Variants in PRKX observed in about 807,000 individuals in gnomAD.
PRKX encodes cAMP-dependent protein kinase catalytic subunit PRKX.
PRKX carries 12 observed loss-of-function variants against 22.0 expected under a neutral mutation model. The observed-to-expected ratio is 0.54, with a 90% CI of 0.35 to 0.88. The LOEUF (loss-of-function observed/expected upper bound fraction) is 0.88, where lower values mean the gene tolerates loss of function less well. Ranked by LOEUF, PRKX falls within the 40% of genes least tolerant of loss-of-function variation. The pLI is 0.01. For missense variants in PRKX, 217 were observed against 308.0 expected (o/e 0.70, Z 2.21); for synonymous variants, 134 against 137.7 (o/e 0.97, Z 0.19).
intron 8 of PRKX, chrX:3,611,321 C>T (rs1221852570): frequency 8.9e-6 from 1 of 111,744 alleles, no homozygotes; most frequent in Non-Finnish European, 1.9e-5. Context: ...TTCCACTTCA[C>T]ATAACTGGGA....
chrX:3,666,385 T>C (rs1927730611), intron 2 of PRKX, among the ~76,000 whole-genome samples: 1 of 110,591 alleles, frequency 9.0e-6, no homozygotes, highest in Admixed American at 9.7e-5. Flanking sequence ...CTTGATCTCC[T>C]GACCTCGTGA....
chrX:3,679,187 G>C (rs1390584990), intron 1 of PRKX, among the ~76,000 whole-genome samples: 4 of 111,685 alleles, frequency 3.6e-5, no homozygotes, highest in Non-Finnish European at 7.5e-5. Context: ...TTTCTAATAG[G>C]AAGTTTTTCA....
chrX:3,692,857 G>A (rs1460975312), intron 1 of PRKX, among the ~76,000 whole-genome samples: 1 of 111,662 alleles, frequency 9.0e-6, no homozygotes, highest in Non-Finnish European at 1.9e-5. Flanking sequence ...TGCATTTAAT[G>A]TTAGATGGCT....
At chrX:3,628,640 G>T (rs756974511) in intron 4 of PRKX, among the ~76,000 whole-genome samples, 1 of 111,701 alleles carries the variant, frequency 9.0e-6, no homozygotes, top group Non-Finnish European at 1.9e-5. Context: ...GGAGGCTGAG[G>T]GGGGAGGATC....
At chrX:3,685,439 C>A (rs141750592) in intron 1 of PRKX, among the ~76,000 whole-genome samples, 1 of 111,307 alleles carries the variant, frequency 9.0e-6, no homozygotes, top group Admixed American at 9.7e-5. Flanking sequence ...TGACAAGCCC[C>A]CTAACCTCTC....
At chrX:3,665,083 G>A (rs918689794) in intron 2 of PRKX, among the ~76,000 whole-genome samples, 3 of 112,198 alleles carry the variant, frequency 2.7e-5, no homozygotes, top group Non-Finnish European at 3.8e-5. Flanking sequence ...AAAACTGCAC[G>A]GGGCGCGCGC....
intron 2 of PRKX, among the ~76,000 whole-genome samples, chrX:3,672,611 G>A (rs1339321392): frequency 9.0e-6 from 1 of 111,188 alleles, no homozygotes. Context: ...CCATCGTCTC[G>A]GCTGCTCTCC....
At chrX:3,666,408 G>A (rs1185841813) in intron 2 of PRKX, among the ~76,000 whole-genome samples, 2 of 110,599 alleles carry the variant, frequency 1.8e-5, no homozygotes, top group Non-Finnish European at 3.8e-5. Context: ...CGTCCACCTC[G>A]GCCTCCCAAA....
intron 3 of PRKX, 131 bp from the exon 4 acceptor site, chrX:3,642,102 T>G: frequency 1.6e-5 from 12 of 764,046 alleles, no homozygotes; most frequent in South Asian, 2.7e-5. Flanking sequence ...CCTGTGCACA[T>G]ATTTTAATGT....
intron 2 of PRKX, among the ~76,000 whole-genome samples, chrX:3,673,382 A>C (rs961803614): frequency 9.0e-6 from 1 of 111,229 alleles, no homozygotes; most frequent in Non-Finnish European, 1.9e-5. Context: ...AGGATGCTGC[A>C]TTGCTGGGGC....
In PRKX at chrX:3,650,349, G is replaced by A. The variant is rs112892263; in HGVS notation, c.599+4800C>T. 9.3e-3 allele frequency among the ~76,000 whole-genome samples: 968 copies of A among 104,424 alleles called. 6 individuals carry two copies. Among genetic ancestry groups the A allele is most frequent in the Non-Finnish European group, 0.015 (784 of 51,158 alleles). The allele number at this position is 104,424 out of a possible 115,157, so 90.7% of individuals were successfully genotyped here. A position where few individuals can be genotyped will look rare whatever the true frequency, so the allele number is the denominator to read the frequency against. ...ATCCTGGCTAACACAGTGAAACCCC[G>A]TCTCTACTAAAAACACAAAAAATTA... is the stretch of plus-strand genomic sequence containing the variant. On this transcript the variant is annotated intron_variant, in intron 3 of 8. Coordinates refer to ENST00000262848, the MANE Select transcript of PRKX (RefSeq NM_005044.5).
intron 2 of PRKX, among the ~76,000 whole-genome samples, chrX:3,665,855 G>A (rs1199589069): frequency 2.8e-5 from 3 of 107,556 alleles, no homozygotes; most frequent in African/African-American, 1.0e-4. Flanking sequence ...CTGGAGGGAG[G>A]GGCAATAAGG....
chrX:3,697,023 C>A (rs1337075582), intron 1 of PRKX, among the ~76,000 whole-genome samples: 2 of 91,852 alleles, frequency 2.2e-5, no homozygotes, highest in Non-Finnish European at 4.3e-5. Flanking sequence ...GTCTCAAAAA[C>A]AAACAAACAG....
At chrX:3,620,431 G>C (rs764710242) in intron 6 of PRKX, among the ~76,000 whole-genome samples, 1 of 112,115 alleles carries the variant, frequency 8.9e-6, no homozygotes, top group Non-Finnish European at 1.9e-5. Context: ...TAGGGTAGGG[G>C]TCCCCAGCCC....
rs1926183553 is a variant in PRKX at position 3,606,774 on chromosome X, C to T, written c.*2195G>A. 8.9e-6 allele frequency: 1 copy of T among 112,114 alleles called. No individual in the cohort carries two copies. The highest frequency in any genetic ancestry group is 3.2e-5 in the African/African-American group (1 of 30,866). 9.2% of individuals were successfully genotyped at this position (112,114 alleles called of 1,213,427 possible). On this transcript the variant is annotated 3_prime_UTR_variant, in exon 9 of 9. Transcript: ENST00000262848. ...GACATTGGGCCATTTAAACTATGACCCCGCCATGGGCAGTTACCAGGTAGC... is the reference window on the plus strand; with the variant it reads ...GACATTGGGCCATTTAAACTATGACTCCGCCATGGGCAGTTACCAGGTAGC...
At chrX:3,702,653 C>T (rs1207869514) in intron 1 of PRKX, among the ~76,000 whole-genome samples, 2 of 102,286 alleles carry the variant, frequency 2.0e-5, no homozygotes, top group Non-Finnish European at 4.0e-5. Context: ...GGCATGGAGG[C>T]CAGCAGGGAA....
At chrX:3,683,783 G>C (rs1928120641) in intron 1 of PRKX, among the ~76,000 whole-genome samples, 1 of 111,928 alleles carries the variant, frequency 8.9e-6, no homozygotes, top group African/African-American at 3.2e-5. Flanking sequence ...AGGCTGCAGT[G>C]AGCTAAGATC....
At position 3,604,713 on chromosome X, in the gene PRKX, G is replaced by C. The variant is rs747196514; in HGVS notation, c.*4256C>G. The C allele has an allele frequency of 8.9e-6, 1 of 111,948 alleles. No individual in the cohort carries two copies. The highest frequency in any genetic ancestry group is 3.7e-4 in the South Asian group (1 of 2,685). 9.2% of individuals were successfully genotyped at this position (111,948 alleles called of 1,213,427 possible). ...CAGCGCAAAGAAAGAATTCAGCTAC[G>C]ACAGTTGAGCAGAGCTCAACAGCCA... On this transcript the variant is annotated 3_prime_UTR_variant, in exon 9 of 9. Transcript: ENST00000262848.
At chrX:3,701,256 G>A (rs1166015973) in intron 1 of PRKX, among the ~76,000 whole-genome samples, 1 of 109,942 alleles carries the variant, frequency 9.1e-6, no homozygotes, top group Non-Finnish European at 1.9e-5. Context: ...TTATAGGTAT[G>A]CGCCACCACA....
Sources: gnomAD v4.1 joint callset for allele counts (sites outside exome capture counted in the v4.1 genomes callset) on GRCh38, gnomAD v4.1.1 for gene constraint, MANE v1.5 for transcripts, NCBI Gene and HGNC (gene_info 2026-07-23, HGNC 2026-07-21) for gene names.